The following AHI1 variants were observed in gnomAD, a reference collection of about 807,000 sequenced individuals.
The protein encoded by AHI1 is Abelson helper integration site 1, also known as jouberin.
Under a neutral mutation model 149.3 loss-of-function variants are expected in AHI1, and 123 were observed. That is an observed-to-expected ratio of 0.82 (90% CI 0.71 to 0.96). The LOEUF (loss-of-function observed/expected upper bound fraction) is 0.96, where lower values mean the gene tolerates loss of function less well. AHI1 is among the 40% of genes least tolerant of loss of function. AHI1 has a pLI of 0.00. For synonymous variants in AHI1, 475 were observed against 459.8 expected (o/e 1.03, Z -0.42); for missense variants, 1,439 against 1,422.7 (o/e 1.01, Z -0.18).
At chr6:135,415,619 A>G (rs1044284836) in intron 20 of AHI1, among the ~76,000 whole-genome samples, 1 of 152,236 alleles carries the variant, frequency 6.6e-6, no homozygotes, top group African/African-American at 2.4e-5. Flanking sequence ...GAAGTCAAAC[A>G]TACATCTGCA....
intron 20 of AHI1, among the ~76,000 whole-genome samples, chr6:135,413,180 T>G (rs548252049): frequency 5.9e-5 from 9 of 151,844 alleles, no homozygotes; most frequent in South Asian, 2.1e-4. Flanking sequence ...AATTGAAAAA[T>G]TAACCGGGCA....
chr6:135,342,287 C>T, intron 24 of AHI1, among the ~76,000 whole-genome samples: 1 of 151,768 alleles, frequency 6.6e-6, no homozygotes, highest in East Asian at 1.9e-4. Flanking sequence ...GAGATTAAAC[C>T]AGCAATCAAA....
intron 22 of AHI1, among the ~76,000 whole-genome samples, chr6:135,402,352 A>C (rs1780137129): frequency 6.6e-6 from 1 of 152,228 alleles, no homozygotes; most frequent in Non-Finnish European, 1.5e-5. Context: ...ATATATCCAC[A>C]CCAAAACTTA....
At chr6:135,382,088 T>TA (rs2128468897) in intron 23 of AHI1, among the ~76,000 whole-genome samples, 1 of 152,328 alleles carries the variant, frequency 6.6e-6, no homozygotes, top group Admixed American at 6.5e-5. Flanking sequence ...AATGTTTTCT[T>TA]AGAGAAAGTT....
chr6:135,365,612 T>C (rs1774059119), intron 23 of AHI1, among the ~76,000 whole-genome samples: 1 of 152,238 alleles, frequency 6.6e-6, no homozygotes, highest in Non-Finnish European at 1.5e-5. Context: ...GATTCTCAGC[T>C]TGGTCACTGT....
At chr6:135,380,960 G>A (rs1283983489) in intron 23 of AHI1, among the ~76,000 whole-genome samples, 1 of 151,874 alleles carries the variant, frequency 6.6e-6, no homozygotes, top group Non-Finnish European at 1.5e-5. Flanking sequence ...CATATCCAAA[G>A]CAAAGAGAAG....
chr6:135,415,560 A>T (rs1217406821), intron 20 of AHI1, among the ~76,000 whole-genome samples: 5 of 152,222 alleles, frequency 3.3e-5, no homozygotes, highest in Non-Finnish European at 7.3e-5. Context: ...GGGAATGTTA[A>T]ATGTTAAACG....
chr6:135,347,296 T>C (rs1791381472), intron 24 of AHI1, among the ~76,000 whole-genome samples: 1 of 152,220 alleles, frequency 6.6e-6, no homozygotes. Context: ...ATATAGTATG[T>C]AGCAGGGCTT....
rs773266517 is a variant in AHI1 at position 135,335,472 on chromosome 6, C to A, written c.3166-12148G>T. ...AAAAAAAAAAACCACTCTCAGAGAGCTTCCATTTTTTGGGATGTTACATTG... is the reference window on the plus strand; with the variant it reads ...AAAAAAAAAAACCACTCTCAGAGAGATTCCATTTTTTGGGATGTTACATTG... On this transcript the variant is annotated intron_variant, in intron 24 of 28. Transcript: ENST00000265602. Among the ~76,000 whole-genome samples the A allele has an allele frequency of 2.6e-5, 4 of 151,532 alleles. No homozygotes were observed. The East Asian group carries it at 7.7e-4, about 29-fold the overall frequency.
Position 135,471,740 on chromosome 6 carries a change from C to T in AHI1, c.136-4106G>A, listed in dbSNP as rs551235914. ...GATATAGCTTACATCAGGCCGGGCGCGGTGGCTCACGCCTGTAATCCCAGC... is the reference window on the plus strand; with the variant it reads ...GATATAGCTTACATCAGGCCGGGCGTGGTGGCTCACGCCTGTAATCCCAGC... On this transcript the variant is annotated intron_variant, in intron 5 of 28. Coordinates refer to ENST00000265602, the MANE Select transcript of AHI1 (RefSeq NM_001134831.2). 2.0e-4 allele frequency among the ~76,000 whole-genome samples: 30 copies of T among 152,118 alleles called. No homozygotes were observed. In the East Asian group the frequency reaches 2.7e-3, roughly 14 times the overall value.
chr6:135,302,515 T>C, intron 26 of AHI1: 1 of 1,019,780 alleles, frequency 9.8e-7, no homozygotes, highest in Non-Finnish European at 1.2e-6. Context: ...ACATGGTCCC[T>C]GCCATCTTTT....
chr6:135,453,549 C>T (rs1480920857), intron 10 of AHI1, 113 bp from the exon 11 acceptor site: 1 of 765,516 alleles, frequency 1.3e-6, no homozygotes, highest in South Asian at 1.9e-5. Context: ...TTAACCTTTA[C>T]AGGGAATAAA....
chr6:135,334,920 G>T (rs1390170519), intron 24 of AHI1, among the ~76,000 whole-genome samples: 2 of 152,186 alleles, frequency 1.3e-5, no homozygotes, highest in African/African-American at 2.4e-5. Context: ...TTCTGGGGAT[G>T]GCCCAGTAAT....
chr6:135,361,329 A>G (rs1299235564), intron 23 of AHI1, among the ~76,000 whole-genome samples: 1 of 152,132 alleles, frequency 6.6e-6, no homozygotes, highest in Admixed American at 6.5e-5. Context: ...TGATATATTT[A>G]TCTTTATCCC....
chr6:135,340,420 G>A (rs1790116994), intron 24 of AHI1, among the ~76,000 whole-genome samples: 1 of 150,702 alleles, frequency 6.6e-6, no homozygotes. Context: ...GGAAGGATAA[G>A]CAGTGTCCTG....
intron 17 of AHI1, 48 bp from the exon 18 acceptor site, chr6:135,430,048 T>TA: frequency 9.4e-7 from 1 of 1,058,480 alleles, no homozygotes; most frequent in South Asian, 1.5e-5. Flanking sequence ...TGTCTAATGT[T>TA]AAACTTTTTT....
In AHI1 at chr6:135,473,211, G is replaced by A. The variant is rs143793842; in HGVS notation, c.136-5577C>T. Among the ~76,000 whole-genome samples the A allele has an allele frequency of 3.0e-3, 455 of 152,142 alleles. 7 individuals carry two copies. The highest frequency in any genetic ancestry group is 0.014 in the Middle Eastern group (4 of 294). Reference sequence around the variant, plus strand: ...ACCATTTGTTGAAAAGATTATCCTTGCCTTTAGTGAATTACCTTGGCAACT... The same window carrying A: ...ACCATTTGTTGAAAAGATTATCCTTACCTTTAGTGAATTACCTTGGCAACT... On this transcript the variant is annotated intron_variant, in intron 5 of 28. Coordinates refer to ENST00000265602, the MANE Select transcript of AHI1 (RefSeq NM_001134831.2).
At chr6:135,314,887 C>G (rs1383231710) in intron 26 of AHI1, among the ~76,000 whole-genome samples, 1 of 152,176 alleles carries the variant, frequency 6.6e-6, no homozygotes, top group Non-Finnish European at 1.5e-5. Context: ...TGTGGTCATT[C>G]TAACACAATG....
intron 23 of AHI1, among the ~76,000 whole-genome samples, chr6:135,360,433 G>A (rs1027072851): frequency 1.3e-5 from 2 of 152,172 alleles, no homozygotes; most frequent in African/African-American, 2.4e-5. Flanking sequence ...ACCTGAGAGC[G>A]AGGGGATTCT....
Sources: allele counts gnomAD v4.1 joint callset (sites outside exome capture counted in the v4.1 genomes callset), GRCh38; gene constraint gnomAD v4.1.1; transcripts MANE v1.5; gene names NCBI Gene and HGNC (gene_info 2026-07-23, HGNC 2026-07-21).